The following YEATS2 variants were observed in gnomAD, a reference collection of about 807,000 sequenced individuals.
YEATS2 encodes the protein YEATS domain containing 2.
YEATS2 carries 77 observed loss-of-function variants against 163.2 expected under a neutral mutation model. The observed-to-expected ratio is 0.47, with a 90% CI of 0.39 to 0.57. The LOEUF (loss-of-function observed/expected upper bound fraction) is 0.57. Among genes scored for constraint, YEATS2 ranks in the 20% least tolerant of loss-of-function variants. YEATS2 has a pLI of 0.00. For missense variants in YEATS2, 1,549 were observed against 1,729.8 expected (o/e 0.90, Z 1.85); for synonymous variants, 631 against 645.1 (o/e 0.98, Z 0.33).
At chr3:183,729,024 G>C (rs1291258337) in intron 7 of YEATS2, among the ~76,000 whole-genome samples, 173 bp downstream of exon 7, 1 of 152,176 alleles carries the variant, frequency 6.6e-6, no homozygotes, top group Non-Finnish European at 1.5e-5. Flanking sequence ...TATAATCCAA[G>C]CACTTTGGGA....
intron 13 of YEATS2, 39 bp downstream of exon 13, chr3:183,759,004 TTTTTC>T (rs1032527375): frequency 2.6e-5 from 35 of 1,322,996 alleles, no homozygotes; most frequent in African/African-American, 4.6e-5. Context: ...TGCTAGCTTC[TTTTTC>T]TTTTCATTTT....
chr3:183,773,882 T>C lies in YEATS2; in HGVS notation c.2368+88T>C. The C allele has an allele frequency of 3.5e-6, 5 of 1,423,110 alleles. No individual in the cohort carries two copies. In the South Asian group the frequency reaches 7.8e-5, roughly 22 times the overall value. The allele number at this position is 1,423,110 out of a possible 1,614,324, so 88.2% of individuals were successfully genotyped here. A position where few individuals can be genotyped will look rare whatever the true frequency, so the allele number is the denominator to read the frequency against. On this transcript the variant is annotated intron_variant, in intron 17 of 30. Transcript: ENST00000305135. ...CATCTGAGGGCAGTTCTTACCTGTT[T>C]CAGGAAGCATTTCTGTAACTCTGTT...
intron 13 of YEATS2, among the ~76,000 whole-genome samples, chr3:183,761,287 G>C (rs571655970): frequency 6.6e-6 from 1 of 151,900 alleles, no homozygotes; most frequent in Non-Finnish European, 1.5e-5. Flanking sequence ...GGGTTTCTCC[G>C]TGTTGGTCAG....
chr3:183,741,489 C>T (rs147034256), intron 8 of YEATS2, among the ~76,000 whole-genome samples: 5 of 152,104 alleles, frequency 3.3e-5, no homozygotes, highest in African/African-American at 1.2e-4. Flanking sequence ...CACTTAAGAG[C>T]TCTGATGAGA....
chr3:183,717,807 T>C (rs368207011), intron 3 of YEATS2, 59 bp downstream of exon 3: 9 of 1,061,716 alleles, frequency 8.5e-6, no homozygotes, highest in African/African-American at 1.7e-5. Context: ...GTATACATGA[T>C]TGAAAAATAA....
At chr3:183,722,389 C>T (rs977745434) in intron 5 of YEATS2, among the ~76,000 whole-genome samples, 2 of 147,540 alleles carry the variant, frequency 1.4e-5, no homozygotes, top group Non-Finnish European at 3.0e-5. Flanking sequence ...CCCGGGTTCA[C>T]GCCATTCTCC....
chr3:183,737,495 A>C (rs926241100), intron 8 of YEATS2, among the ~76,000 whole-genome samples: 2 of 152,232 alleles, frequency 1.3e-5, no homozygotes, highest in African/African-American at 4.8e-5. Flanking sequence ...AAGTGGTCAG[A>C]TAATCAGAAC....
At chr3:183,759,075 C>G (rs549536400) in intron 13 of YEATS2, 110 bp downstream of exon 13, 1 of 719,126 alleles carries the variant, frequency 1.4e-6, no homozygotes, top group East Asian at 3.2e-5. Context: ...CAGGCTGTAT[C>G]GAACTCCTGG....
chr3:183,792,397 G>A (rs548367002), intron 21 of YEATS2, among the ~76,000 whole-genome samples: 2 of 152,146 alleles, frequency 1.3e-5, no homozygotes, highest in African/African-American at 2.4e-5. Context: ...CATGCGGTGT[G>A]TGGTTTTCTG....
rs1448129356 is a variant in YEATS2, at chr3:183,762,207, T to G, written c.1875T>G (p.Ala625=). 6.2e-7 allele frequency: 1 copy of G among 1,614,124 alleles called. No individual in the cohort carries two copies. The highest frequency in any genetic ancestry group is 8.5e-7 in the Non-Finnish European group (1 of 1,180,012). The change falls in exon 15 of 31, where the codon GCT becomes GCG. Residue 625 remains alanine, a synonymous_variant. Transcript: ENST00000305135. ...CTGTGAAAGGGGGTCACATGATAGC[T>G]GTGTCCCCTCAAAAACAGGTCATAA... ...YVTVKGGHMI[A]VSPQKQVITP...
chr3:183,766,216 T>A (rs1271882226), intron 15 of YEATS2, among the ~76,000 whole-genome samples: 1 of 152,236 alleles, frequency 6.6e-6, no homozygotes, highest in Non-Finnish European at 1.5e-5. Context: ...TGGTGTAACC[T>A]GTGCAGGTTC....
intron 28 of YEATS2, chr3:183,807,804 G>C (rs1259225039): frequency 1.9e-6 from 1 of 513,180 alleles, no homozygotes; most frequent in Admixed American, 3.6e-5. Flanking sequence ...GATTTTAATA[G>C]GATTATAGTC....
At chr3:183,743,637 T>G (rs1407218834) in intron 8 of YEATS2, among the ~76,000 whole-genome samples, 1 of 152,046 alleles carries the variant, frequency 6.6e-6, no homozygotes, top group East Asian at 1.9e-4. Flanking sequence ...TGAACCACCT[T>G]GCCTGGCCCA....
At chr3:183,790,050 C>T (rs1724460955) in intron 20 of YEATS2, among the ~76,000 whole-genome samples, 1 of 152,346 alleles carries the variant, frequency 6.6e-6, no homozygotes, top group Non-Finnish European at 1.5e-5. Flanking sequence ...CACCACTCTG[C>T]TTTGCAGCTT....
intron 2 of YEATS2, 24 bp from the exon 3 acceptor site, chr3:183,717,627 A>G (rs1434036275): frequency 6.7e-7 from 1 of 1,498,320 alleles, no homozygotes; most frequent in Non-Finnish European, 9.0e-7. Flanking sequence ...TAGGCCTTGG[A>G]TGTATTTTAT....
intron 1 of YEATS2, among the ~76,000 whole-genome samples, chr3:183,703,723 A>G (rs557641099): frequency 6.6e-6 from 1 of 152,174 alleles, no homozygotes; most frequent in East Asian, 1.9e-4. Context: ...TAAAATGGAT[A>G]TATATTCTTA....
At chr3:183,802,324 G>A (rs17622152) in intron 25 of YEATS2, 40,860 of 152,456 alleles carry the variant, frequency 0.27, 6,908 homozygotes, top group South Asian at 0.44. Flanking sequence ...CATACACCAG[G>A]TACAGACCAC....
chr3:183,794,193 A>G (rs964814783), intron 21 of YEATS2, among the ~76,000 whole-genome samples: 3 of 152,108 alleles, frequency 2.0e-5, no homozygotes, highest in African/African-American at 7.2e-5. Context: ...TATTGACAGT[A>G]ATTTCTGGGG....
chr3:183,716,067 C>T (rs1348165983), intron 2 of YEATS2, among the ~76,000 whole-genome samples: 1 of 152,124 alleles, frequency 6.6e-6, no homozygotes, highest in Non-Finnish European at 1.5e-5. Context: ...TCGCGCCATT[C>T]TCCTGCGTCA....
Sources: gnomAD v4.1 joint callset for allele counts (sites outside exome capture counted in the v4.1 genomes callset) on GRCh38, gnomAD v4.1.1 for gene constraint, MANE v1.5 for transcripts, NCBI Gene and HGNC (gene_info 2026-07-23, HGNC 2026-07-21) for gene names.